SCYL2: variants seen among roughly 807,000 people sequenced by gnomAD.
SCYL2 encodes SCY1 like pseudokinase 2.
In SCYL2, 36 loss-of-function variants were observed where a neutral mutation model predicts 100.4. The ratio of observed to expected loss-of-function variants is 0.36; its 90% CI spans 0.27 to 0.47. The LOEUF is 0.47. Ranked by LOEUF, SCYL2 falls within the 20% of genes least tolerant of loss-of-function variation. The pLI is 1.00. For missense variants in SCYL2, 902 were observed against 1,083.9 expected, an observed-to-expected ratio of 0.83 and a Z score of 2.36; for synonymous variants, 330 against 359.2, an observed-to-expected ratio of 0.92 and a Z score of 0.92.
chr12:100,308,809 T>C (rs1399316184), intron 4 of SCYL2, among the ~76,000 whole-genome samples: 1 of 152,120 alleles, frequency 6.6e-6, no homozygotes, highest in Non-Finnish European at 1.5e-5. Context: ...TAGGTCTCGT[T>C]CAAATGCTCC....
chr12:100,282,569 C>CTTGCCTTGGCCTCCCGAAGTGCTGATA (rs1408646375), intron 1 of SCYL2, among the ~76,000 whole-genome samples: 1 of 152,142 alleles, frequency 6.6e-6, no homozygotes, highest in Non-Finnish European at 1.5e-5. Flanking sequence ...AGGTGATCCG[C>CTTGCCTTGGCCTCCCGAAGTGCTGATA]TTGCCTTGGC....
chr12:100,299,699 ATTCT>A (rs1415771804), intron 4 of SCYL2, among the ~76,000 whole-genome samples: 2 of 151,578 alleles, frequency 1.3e-5, no homozygotes, highest in South Asian at 2.1e-4. Context: ...TCAATAGTTG[ATTCT>A]TTTTTTTTTT....
At chr12:100,312,769 T>G (rs774582828) in intron 6 of SCYL2, 116 bp downstream of exon 6, 94 of 679,344 alleles carry the variant, frequency 1.4e-4, no homozygotes, top group Admixed American at 4.4e-4. Context: ...CATTTTAAGT[T>G]TGCATAAGAT....
Position 100,339,915 on chromosome 12 carries a change from G to A in SCYL2, c.*743G>A, listed in dbSNP as rs1435381558. 2 of 152,452 alleles carry A rather than the reference G, an allele frequency of 1.3e-5. No individual in the cohort carries two copies. Among genetic ancestry groups the A allele is most frequent in the Non-Finnish European group, 2.9e-5 (2 of 68,002 alleles). 9.4% of individuals were successfully genotyped at this position (152,452 alleles called of 1,614,324 possible). A position where few individuals can be genotyped will look rare whatever the true frequency, so the allele number is the denominator to read the frequency against. On this transcript the variant is annotated 3_prime_UTR_variant, in exon 18 of 18. Coordinates refer to ENST00000360820, the MANE Select transcript of SCYL2 (RefSeq NM_017988.6). ...ATCACTTTTTTCCTCCTGTATCAAG[G>A]AAGAGGTATGTGCTGATTTGTTTGG...
intron 10 of SCYL2, among the ~76,000 whole-genome samples, chr12:100,322,784 C>T (rs886757770): frequency 2.0e-5 from 3 of 150,852 alleles, no homozygotes; most frequent in East Asian, 2.0e-4. Context: ...TGCTTGAACC[C>T]GGGAGGCGGA....
chr12:100,283,419 C>G (rs1012909283), intron 2 of SCYL2, among the ~76,000 whole-genome samples: 2 of 152,074 alleles, frequency 1.3e-5, no homozygotes, highest in African/African-American at 4.8e-5. Context: ...GTTGAGCAAA[C>G]GAGTATATTA....
intron 6 of SCYL2, 40 bp downstream of exon 6, chr12:100,312,693 A>G (rs986955668): frequency 7.0e-7 from 1 of 1,435,252 alleles, no homozygotes; most frequent in African/African-American, 1.4e-5. Context: ...TAAAAAATTT[A>G]TTAAATGTGT....
Position 100,338,997 on chromosome 12 carries a change from A to C in SCYL2, c.2615A>C (p.Gln872Pro), listed in dbSNP as rs764023489. Residue 872 changes from glutamine (Q) to proline (P), a missense_variant, in exon 18 of 18, where the codon CAA becomes CCA. Transcript: ENST00000360820. The part of the protein sequence containing the change: ...NQWLNQFVPP[Q>P]GSPTMGSSVM... ...TGGCTTAATCAGTTTGTACCTCCTC[A>C]AGGTTCTCCAACTATGGGCAGTTCA... 3.7e-6 allele frequency: 6 copies of C among 1,613,988 alleles called. No homozygotes were observed. The African/African-American group carries it at 8.0e-5, about 22-fold the overall frequency.
intron 3 of SCYL2, among the ~76,000 whole-genome samples, chr12:100,294,853 T>G: frequency 1.4e-5 from 2 of 147,854 alleles, no homozygotes; most frequent in Non-Finnish European, 3.0e-5. Flanking sequence ...CGCTCCTCAT[T>G]TCCCAGACGG....
intron 13 of SCYL2, among the ~76,000 whole-genome samples, chr12:100,333,115 A>G (rs1952232419): frequency 6.6e-6 from 1 of 150,912 alleles, no homozygotes; most frequent in Admixed American, 6.6e-5. Flanking sequence ...TGACATGTAG[A>G]CTTTTGTGTT....
chr12:100,295,215 T>G, intron 3 of SCYL2, among the ~76,000 whole-genome samples: 1 of 130,770 alleles, frequency 7.6e-6, no homozygotes, highest in Admixed American at 8.0e-5. Flanking sequence ...CTTCCCAGAC[T>G]GGGCAGCCAG....
At position 100,294,551 on chromosome 12, in the gene SCYL2, G is replaced by A. The variant is rs561547499; in HGVS notation, c.335+2891G>A. 9.7e-4 allele frequency among the ~76,000 whole-genome samples: 137 copies of A among 141,522 alleles called. No homozygotes were observed. The East Asian group carries it at 0.02, about 21-fold the overall frequency. 92.8% of individuals were successfully genotyped at this position (141,522 alleles called of 152,430 possible). On this transcript the variant is annotated intron_variant, in intron 3 of 17. Coordinates refer to ENST00000360820, the MANE Select transcript of SCYL2 (RefSeq NM_017988.6). ...GACTCCCCCACCTCCCTCCCAGACC[G>A]GGCGGCTGGCCGGGCGGGGGCTGAC... is the stretch of plus-strand genomic sequence containing the variant.
chr12:100,325,681 C>A (rs2135925632), intron 11 of SCYL2, among the ~76,000 whole-genome samples: 2 of 152,122 alleles, frequency 1.3e-5, no homozygotes, highest in East Asian at 3.9e-4. Flanking sequence ...TATATTTATT[C>A]ATTACTTACA....
chr12:100,325,753 T>C (rs1002386154), intron 11 of SCYL2, among the ~76,000 whole-genome samples: 1 of 152,254 alleles, frequency 6.6e-6, no homozygotes, highest in South Asian at 2.1e-4. Context: ...TTGCTTAAAA[T>C]ATATATATAT....
intron 1 of SCYL2, among the ~76,000 whole-genome samples, chr12:100,270,623 C>CTTTT (rs559329533): frequency 1.3e-4 from 16 of 125,702 alleles, no homozygotes; most frequent in African/African-American, 4.3e-4. Context: ...ATGTTGCTTT[C>CTTTT]TTTTTTTTTT....
intron 1 of SCYL2, among the ~76,000 whole-genome samples, chr12:100,272,350 C>G (rs1364285941): frequency 6.6e-6 from 1 of 152,090 alleles, no homozygotes; most frequent in Non-Finnish European, 1.5e-5. Context: ...TCTTATATGT[C>G]AAATGGCTAT....
chr12:100,291,421 GT>G, intron 2 of SCYL2, 81 bp from the exon 3 acceptor site: 1 of 950,864 alleles, frequency 1.1e-6, no homozygotes, highest in Non-Finnish European at 1.5e-6. Context: ...TTATGGCATA[GT>G]TATTTGTAGA....
intron 3 of SCYL2, among the ~76,000 whole-genome samples, chr12:100,292,207 G>A (rs1404234314): frequency 3.9e-5 from 6 of 152,206 alleles, no homozygotes; most frequent in African/African-American, 1.4e-4. Context: ...TCTCAAGCTT[G>A]TGGCACTTTT....
intron 2 of SCYL2, among the ~76,000 whole-genome samples, chr12:100,286,186 A>G (rs962802420): frequency 1.3e-5 from 2 of 152,106 alleles, no homozygotes; most frequent in East Asian, 3.9e-4. Flanking sequence ...AGATTTTGAA[A>G]TTTCTTTCAA....
Sources: gnomAD v4.1 joint callset for allele counts (sites outside exome capture counted in the v4.1 genomes callset) on GRCh38, gnomAD v4.1.1 for gene constraint, MANE v1.5 for transcripts, NCBI Gene and HGNC (gene_info 2026-07-23, HGNC 2026-07-21) for gene names.